Variants in SYVN1 observed in about 807,000 individuals in gnomAD.
SYVN1 encodes synoviolin 1.
Under a neutral mutation model 62.6 loss-of-function variants are expected in SYVN1, and 17 were observed. The ratio of observed to expected loss-of-function variants is 0.27; its 90% CI spans 0.19 to 0.41. SYVN1 has a LOEUF of 0.41. SYVN1 is among the 10% of genes least tolerant of loss of function. The pLI is 1.00. For missense variants in SYVN1, 634 were observed against 818.0 expected (o/e 0.78, Z 2.74); for synonymous variants, 316 against 304.0 (o/e 1.04, Z -0.41).
At chr11:65,129,660 G>A (rs1424532658) in intron 14 of SYVN1, 69 bp downstream of exon 14, 1 of 1,504,096 alleles carries the variant, frequency 6.6e-7, no homozygotes, top group Non-Finnish European at 9.2e-7. Context: ...AAGAACCACT[G>A]CTGGGGACCT....
chr11:65,129,733 A>G lies in SYVN1; in HGVS notation c.1591T>C (p.Leu531=), dbSNP rs1948149466. 3.7e-6 allele frequency: 6 copies of G among 1,613,976 alleles called. No homozygotes were observed. Among genetic ancestry groups the G allele is most frequent in the South Asian group, 3.3e-5 (3 of 91,092 alleles). Residue 531 remains leucine (L), a synonymous_variant, in exon 14 of 16, where the codon TTG becomes CTG. Coordinates refer to ENST00000377190, the MANE Select transcript of SYVN1 (RefSeq NM_172230.3). The stretch of plus-strand genomic sequence containing the variant: ...GCTTCCCCTGTACAGACACACCCCA[A>G]GGAGGCCAGCACGGTGAGGTACTGG... ...INQYLTVLAS[L]GPPRPATSVN...
At chr11:65,131,427 G>A (rs757446519) in intron 7 of SYVN1, 43 bp downstream of exon 7, 1 of 1,613,986 alleles carries the variant, frequency 6.2e-7, no homozygotes, top group East Asian at 2.2e-5. Flanking sequence ...AGGCAGAGTG[G>A]AGGATGCTGG....
At position 65,130,719 on chromosome 11, in the gene SYVN1, G is replaced by A. The variant is rs776749979; in HGVS notation, c.1046C>T (p.Ala349Val). 74 of 1,516,642 alleles carry A rather than the reference G, an allele frequency of 4.9e-5. No homozygotes were observed. The highest frequency in any genetic ancestry group is 2.2e-4 in the Middle Eastern group (1 of 4,632). 93.9% of individuals were successfully genotyped at this position (1,516,642 alleles called of 1,614,324 possible). ...GGGGGCAGGGGGTGGCCCCTGATCC[G>A]CAGGCTCCGGGGGTGGTGGTGACTG... The part of the protein sequence containing the change: ...PAQSPPPPEP[A>V]DQGPPPAPHP... Residue 349 changes from alanine to valine, a missense_variant, in exon 11 of 16, where the codon GCG (alanine) becomes GTG (valine). By Grantham distance (64) the Ala-to-Val change is moderately conservative (BLOSUM62 0). Transcript: ENST00000377190.
intron 14 of SYVN1, chr11:65,129,474 T>C (rs1353343797): frequency 4.7e-6 from 2 of 424,910 alleles, no homozygotes; most frequent in Non-Finnish European, 4.2e-6. Context: ...AATTTGACTT[T>C]AGAAAAATAT....
intron 1 of SYVN1, 142 bp downstream of exon 1, chr11:65,134,314 C>G (rs2137257341): frequency 6.6e-6 from 1 of 152,636 alleles, no homozygotes; most frequent in Non-Finnish European, 1.5e-5. Flanking sequence ...AAAGCGGCCG[C>G]ACCGGCGTCT....
At chr11:65,130,553 C>G in intron 11 of SYVN1, 107 bp downstream of exon 11, 1 of 1,437,622 alleles carries the variant, frequency 7.0e-7, no homozygotes, top group Non-Finnish European at 9.2e-7. Context: ...CTGGCCCAGA[C>G]TGAGATTCTG....
chr11:65,132,772 G>C lies in SYVN1; in HGVS notation c.387C>G (p.Arg129=). ...LAEDRVDFME[R]SPNISWLFHC... ...GAAAGAGCCAGGAGATGTTGGGGCTGCGTTCCATCTGAGGCAGAGCACAGA... is the reference window on the plus strand; with the variant it reads ...GAAAGAGCCAGGAGATGTTGGGGCTCCGTTCCATCTGAGGCAGAGCACAGA... Residue 129 remains arginine, a synonymous_variant, in exon 5 of 16, where the codon CGC becomes CGG. Transcript: ENST00000377190. 5.0e-6 allele frequency: 8 copies of C among 1,614,190 alleles called. No individual in the cohort carries two copies. The highest frequency in any genetic ancestry group is 6.8e-6 in the Non-Finnish European group (8 of 1,180,044).
Position 65,128,561 on chromosome 11 carries a change from A to G in SYVN1, c.1747+2T>C. ...CCCCGGCTGGAGGCCAATCACACCT[A>G]CCTGGAGGCCTTTCCATTTCAGGGG... On this transcript the variant is annotated splice_donor_variant, in intron 15 of 15. Transcript: ENST00000377190. LOFTEE classifies it high-confidence loss of function. 1 of 1,613,802 alleles carries G rather than the reference A, an allele frequency of 6.2e-7. No homozygotes were observed. Among genetic ancestry groups the G allele is most frequent in the Non-Finnish European group, 8.5e-7 (1 of 1,179,910 alleles).
In SYVN1 at chr11:65,133,029, C is replaced by A. The variant is rs139538747; in HGVS notation, c.271G>T (p.Ala91Ser). 2.5e-6 allele frequency: 4 copies of A among 1,614,072 alleles called. No homozygotes were observed. The African/African-American group carries it at 5.3e-5, about 22-fold the overall frequency. Residue 91 changes from alanine to serine, a missense_variant, in exon 4 of 16, where the codon GCC (alanine) becomes TCC (serine). Coordinates refer to ENST00000377190, the MANE Select transcript of SYVN1 (RefSeq NM_172230.3). ...SWYAVTETCL[A>S]FTVFRDDFSP... is the part of the protein sequence containing the mutation. ...AAGTCATCCCGAAAAACGGTGAAGGCCAGACAAGTCTCTGTGACGGCGTAC... is the reference window on the plus strand; with the variant it reads ...AAGTCATCCCGAAAAACGGTGAAGGACAGACAAGTCTCTGTGACGGCGTAC...
chr11:65,131,655 C>T, intron 6 of SYVN1, 59 bp from the exon 7 acceptor site: 1 of 1,589,446 alleles, frequency 6.3e-7, no homozygotes, highest in Non-Finnish European at 8.5e-7. Flanking sequence ...GCTGCACCCA[C>T]ATTGCTCCCC....
chr11:65,129,673 T>A (rs1948148919), intron 14 of SYVN1, 56 bp downstream of exon 14: 1 of 1,565,202 alleles, frequency 6.4e-7, no homozygotes, highest in African/African-American at 1.4e-5. Flanking sequence ...GGGGACCTCT[T>A]GGCAGCTCCA....
At position 65,128,496 on chromosome 11, in the gene SYVN1, C is replaced by G. The variant is rs1948131390; in HGVS notation, c.1748-8G>C. 6.2e-7 allele frequency: 1 copy of G among 1,613,550 alleles called. No homozygotes were observed. Among genetic ancestry groups the G allele is most frequent in the African/African-American group, 1.3e-5 (1 of 75,036 alleles). On this transcript the variant is annotated splice_polypyrimidine_tract_variant and splice_region_variant and intron_variant, in intron 15 of 15. Transcript: ENST00000377190. Reference sequence around the variant, plus strand: ...TGCCCACTGACTCAGGAGCTGGGGACAGAGAGACTGGAAGTGGAACCTAGA... The same window carrying G: ...TGCCCACTGACTCAGGAGCTGGGGAGAGAGAGACTGGAAGTGGAACCTAGA...
Position 65,128,691 on chromosome 11 carries a change from A to C in SYVN1, c.1619T>G (p.Val540Gly). ...SLGPPRPATS[V>G]NSTEETATTV... ...AGTGGCAGTCTCCTCAGTGGAGTTG[A>C]CTGAAGTGGCAGGCCGGGGGGGCCT... The change falls in exon 15 of 16, where the codon GTC becomes GGC. Residue 540 changes from valine to glycine, a missense_variant. Val to Gly is a moderately radical substitution (Grantham distance 109). Around this residue, in one of 2 missense-constraint regions of SYVN1, gnomAD observed 351 missense variants for 373.3 expected, o/e 0.94. Coordinates refer to ENST00000377190, the MANE Select transcript of SYVN1 (RefSeq NM_172230.3). The C allele has an allele frequency of 6.2e-7, 1 of 1,612,774 alleles. No individual in the cohort carries two copies. Among genetic ancestry groups the C allele is most frequent in the Non-Finnish European group, 8.5e-7 (1 of 1,179,398 alleles).
chr11:65,130,337 G>A lies in SYVN1; in HGVS notation c.1148C>T (p.Pro383Leu), dbSNP rs774648311. The change falls in exon 12 of 16, where the codon CCA becomes CTA. Residue 383 changes from proline (P) to leucine (L), a missense_variant. Coordinates refer to ENST00000377190, the MANE Select transcript of SYVN1 (RefSeq NM_172230.3). ...AAAGGGGCCCATGGGGGGCCACAGT[G>A]GGAACATGCCTGGAGGAAAAGGAGG... ...LLPPFPPGMFPLWPPMGPFPP... is the reference protein window; with the variant it reads ...LLPPFPPGMFLLWPPMGPFPP... 6.4e-7 allele frequency: 1 copy of A among 1,572,978 alleles called. No individual in the cohort carries two copies.
At chr11:65,129,577 A>G in intron 14 of SYVN1, 152 bp downstream of exon 14, 2 of 643,910 alleles carry the variant, frequency 3.1e-6, no homozygotes, top group South Asian at 1.9e-5. Context: ...AGGCACCAGG[A>G]GTTACCAAGA....
intron 11 of SYVN1, 134 bp downstream of exon 11, chr11:65,130,526 C>A: frequency 7.1e-7 from 1 of 1,411,932 alleles, no homozygotes; most frequent in South Asian, 1.6e-5. Flanking sequence ...ATCTATTTCT[C>A]ATCTTTTAAT....
chr11:65,128,643 G>A lies in SYVN1; in HGVS notation c.1667C>T (p.Ser556Phe), dbSNP rs1231043706. The change falls in exon 15 of 16, where the codon TCC (serine) becomes TTC (phenylalanine). Residue 556 changes from serine (S) to phenylalanine (F), a missense_variant. By Grantham distance (155) the Ser-to-Phe change is radical (BLOSUM62 -2). Coordinates refer to ENST00000377190, the MANE Select transcript of SYVN1 (RefSeq NM_172230.3). ...TATTVVAAASSTSIPSSEATT... is the reference protein window; with the variant it reads ...TATTVVAAASFTSIPSSEATT... ...GGCCTCTGAGCTAGGGATGCTGGTGGAGGAGGCAGCAGCAACAACTGTAGT... is the reference window on the plus strand; with the variant it reads ...GGCCTCTGAGCTAGGGATGCTGGTGAAGGAGGCAGCAGCAACAACTGTAGT... 8 of 1,613,944 alleles carry A rather than the reference G, an allele frequency of 5.0e-6. No homozygotes were observed. The highest frequency in any genetic ancestry group is 6.8e-6 in the Non-Finnish European group (8 of 1,179,928).
Position 65,128,134 on chromosome 11 carries a change from C to A in SYVN1, c.*248G>T, listed in dbSNP as rs1431513459. 3.4e-6 allele frequency: 2 copies of A among 583,542 alleles called. No homozygotes were observed. The highest frequency in any genetic ancestry group is 3.1e-6 in the Non-Finnish European group (1 of 327,684). 36.1% of individuals were successfully genotyped at this position (583,542 alleles called of 1,614,324 possible). ...AAACCTTCTGCCTTCATGGCCCCAG[C>A]AGAACACAGGGCTGAAGAGTTGGAG... On this transcript the variant is annotated 3_prime_UTR_variant, in exon 16 of 16. Coordinates refer to ENST00000377190, the MANE Select transcript of SYVN1 (RefSeq NM_172230.3).
chr11:65,132,158 G>A (rs1043854053), intron 6 of SYVN1, 90 bp downstream of exon 6: 11 of 1,025,152 alleles, frequency 1.1e-5, no homozygotes, highest in Non-Finnish European at 1.5e-5. Flanking sequence ...TGGCCACATA[G>A]CAGGTGCTGA....
Sources: allele counts gnomAD v4.1 joint callset, GRCh38; gene constraint gnomAD v4.1.1; regional missense constraint gnomAD v4.1.1; transcripts MANE v1.5; gene names NCBI Gene and HGNC (gene_info 2026-07-23, HGNC 2026-07-21).